Variants in NTAQ1 observed in about 807,000 individuals in gnomAD.
NTAQ1 encodes N-terminal glutamine amidase 1, also known as protein N-terminal glutamine amidohydrolase.
A neutral mutation model predicts 28.2 loss-of-function variants in NTAQ1; 21 were observed. The ratio of observed to expected loss-of-function variants is 0.74; its 90% CI spans 0.53 to 1.07. The LOEUF (loss-of-function observed/expected upper bound fraction) is 1.07, where lower values mean the gene tolerates loss of function less well. Ranked by LOEUF, NTAQ1 falls within the 50% of genes least tolerant of loss-of-function variation. NTAQ1 has a pLI of 0.00. For synonymous variants in NTAQ1, 105 were observed against 90.0 expected, an observed-to-expected ratio of 1.17 and a Z score of -0.94; for missense variants, 264 against 256.6, an observed-to-expected ratio of 1.03 and a Z score of -0.20.
intron 6 of NTAQ1, among the ~76,000 whole-genome samples, chr8:123,459,800 C>CTTT (rs35644112): frequency 1.8e-4 from 21 of 119,592 alleles, no homozygotes; most frequent in East Asian, 5.0e-4. Context: ...ATACATCATT[C>CTTT]TTTTTTTTTT....
downstream of NTAQ1, among the ~76,000 whole-genome samples, chr8:123,446,255 C>G (rs1815281072): frequency 6.6e-6 from 1 of 152,160 alleles, no homozygotes; most frequent in African/African-American, 2.4e-5. Flanking sequence ...TTCCCCCCAC[C>G]TCAGCCTCCC....
chr8:123,455,328 G>A (rs1815616955), intron 6 of NTAQ1, among the ~76,000 whole-genome samples: 1 of 152,010 alleles, frequency 6.6e-6, no homozygotes, highest in South Asian at 2.1e-4. Flanking sequence ...AGAGGAGTCA[G>A]TCCACATCCT....
At chr8:123,435,646 C>T (rs770464055) in intron 3 of NTAQ1, 89 of 486,716 alleles carry the variant, frequency 1.8e-4, no homozygotes, top group Middle Eastern at 1.0e-3. Flanking sequence ...GCGGGGGGAT[C>T]ACTTGAGGCC....
In NTAQ1 at chr8:123,419,081, GTTTTTTTTTTTTT is replaced by G. The variant is rs762479894; in HGVS notation, c.83+2172_83+2184del. Among the ~76,000 whole-genome samples the G allele has an allele frequency of 2.4e-3, 291 of 119,918 alleles. 23 individuals are homozygous for G. Among genetic ancestry groups the G allele is most frequent in the African/African-American group, 6.8e-3 (200 of 29,552 alleles). 78.7% of individuals were successfully genotyped at this position (119,918 alleles called of 152,430 possible). The stretch of plus-strand genomic sequence containing the variant: ...TACTTTGGCTCCTGCAGCTTTGGGG[GTTTTTTTTTTTTT>G]TTTTTTTTTTTTTTTTTTTTTTGAG... On this transcript the variant is annotated intron_variant, in intron 1 of 5. Transcript: ENST00000287387.
At chr8:123,440,039 C>CT (rs909474113) in intron 5 of NTAQ1, among the ~76,000 whole-genome samples, 88 of 134,500 alleles carry the variant, frequency 6.5e-4, no homozygotes, top group Middle Eastern at 4.8e-3. Flanking sequence ...GGAATTGACT[C>CT]TTTTTTTTTT....
At chr8:123,446,951 A>G (rs991019248), downstream of NTAQ1, among the ~76,000 whole-genome samples, 4 of 152,108 alleles carry the variant, frequency 2.6e-5, no homozygotes, top group African/African-American at 9.7e-5. Context: ...CCACGTCCTG[A>G]TCTCTCCATG....
At chr8:123,452,953 A>C (rs1250736158), downstream of NTAQ1, among the ~76,000 whole-genome samples, 5 of 152,170 alleles carry the variant, frequency 3.3e-5, no homozygotes, top group Non-Finnish European at 7.3e-5. Context: ...TCAAGGGAGC[A>C]CTCATAGCAG....
At chr8:123,471,844 A>G (rs1816045281), downstream of NTAQ1, among the ~76,000 whole-genome samples, 1 of 152,196 alleles carries the variant, frequency 6.6e-6, no homozygotes, top group African/African-American at 2.4e-5. Context: ...ACTCTCACAC[A>G]AACCCCCAGG....
downstream of NTAQ1, among the ~76,000 whole-genome samples, chr8:123,452,695 C>T (rs536340831): frequency 9.3e-5 from 14 of 151,300 alleles, no homozygotes; most frequent in South Asian, 2.1e-3. Context: ...TGAGGTCAGG[C>T]ATTTGAGACC....
At chr8:123,431,672 C>G (rs1329811631) in intron 3 of NTAQ1, among the ~76,000 whole-genome samples, 9 of 152,188 alleles carry the variant, frequency 5.9e-5, no homozygotes. Context: ...GTTAGGCATA[C>G]TGGGTTTAAG....
At chr8:123,449,974 T>TATATATATATATATATGA (rs371673968), downstream of NTAQ1, among the ~76,000 whole-genome samples, 3,332 of 55,910 alleles carry the variant, frequency 0.06, 858 homozygotes, top group Non-Finnish European at 0.078. Context: ...TATATATATA[T>TATATATATATATATATGA]GCTGGATAAA....
Position 123,419,081 on chromosome 8 carries a change from G to GTTT in NTAQ1, c.83+2182_83+2184dup, listed in dbSNP as rs762479894. 2.8e-3 allele frequency among the ~76,000 whole-genome samples: 332 copies of GTTT among 119,886 alleles called. 6 individuals carry two copies. The highest frequency in any genetic ancestry group is 5.5e-3 in the African/African-American group (163 of 29,534). The allele number at this position is 119,886 out of a possible 152,430, so 78.6% of individuals were successfully genotyped here. On this transcript the variant is annotated intron_variant, in intron 1 of 5. Coordinates refer to ENST00000287387, the MANE Select transcript of NTAQ1 (RefSeq NM_018024.3). ...TACTTTGGCTCCTGCAGCTTTGGGG[G>GTTT]TTTTTTTTTTTTTTTTTTTTTTTTT...
At chr8:123,465,394 C>CA (rs748488157) in intron 6 of NTAQ1, among the ~76,000 whole-genome samples, 22 of 152,178 alleles carry the variant, frequency 1.4e-4, no homozygotes, top group Non-Finnish European at 2.2e-4. Flanking sequence ...CAGCTTCCGT[C>CA]ACTGCAGAGA....
At chr8:123,438,069 G>T in intron 5 of NTAQ1, 1 of 661,672 alleles carries the variant, frequency 1.5e-6, no homozygotes. Flanking sequence ...AATAAAATCT[G>T]CATTAGAGGG....
At chr8:123,458,238 C>CT (rs35769081) in intron 6 of NTAQ1, among the ~76,000 whole-genome samples, 94,078 of 144,310 alleles carry the variant, frequency 0.65, 31,119 homozygotes, top group East Asian at 0.92. Context: ...GCCTGGCTAA[C>CT]TTTTTTTTTT....
At chr8:123,436,328 A>G in intron 3 of NTAQ1, 125 bp from the exon 4 acceptor site, 1 of 775,526 alleles carries the variant, frequency 1.3e-6, no homozygotes. Context: ...GCTTTATTCT[A>G]TTTTGCTATT....
chr8:123,416,982 G>A, intron 1 of NTAQ1, 50 bp downstream of exon 1: 1 of 1,392,944 alleles, frequency 7.2e-7, no homozygotes, highest in Non-Finnish European at 9.4e-7. Context: ...CCCGGGCGGC[G>A]AGTCGCAACC....
chr8:123,416,839 G>T lies in NTAQ1; in HGVS notation c.-11G>T. 1 of 1,526,332 alleles carries T rather than the reference G, an allele frequency of 6.6e-7. No homozygotes were observed. The allele number at this position is 1,526,332 out of a possible 1,614,324, so 94.5% of individuals were successfully genotyped here. A position where few individuals can be genotyped will look rare whatever the true frequency, so the allele number is the denominator to read the frequency against. ...TTCCTCCGGCCCGGGCCCTGGCCCA[G>T]CTAGCCGGCCATGGAAGGTAATGGC... On this transcript the variant is annotated 5_prime_UTR_variant, in exon 1 of 6. Coordinates refer to ENST00000287387, the MANE Select transcript of NTAQ1 (RefSeq NM_018024.3).
chr8:123,432,687 A>T (rs1362264236), intron 3 of NTAQ1, among the ~76,000 whole-genome samples: 3 of 146,692 alleles, frequency 2.0e-5, no homozygotes, highest in South Asian at 2.1e-4. Context: ...TTATTTATGT[A>T]TTTTTTTTTT....
Sources: gnomAD v4.1 joint callset for allele counts (sites outside exome capture counted in the v4.1 genomes callset) on GRCh38, gnomAD v4.1.1 for gene constraint, MANE v1.5 for transcripts, NCBI Gene and HGNC (gene_info 2026-07-23, HGNC 2026-07-21) for gene names.